Variants in MAFF observed in about 807,000 individuals in gnomAD.
MAFF encodes the protein MAF bZIP transcription factor F.
A neutral mutation model predicts 2.7 loss-of-function variants in MAFF; 4 were observed. The ratio of observed to expected loss-of-function variants is 1.48; its 90% CI spans 0.73 to 3.39. The LOEUF (loss-of-function observed/expected upper bound fraction) is 3.39, where lower values mean the gene tolerates loss of function less well. Among genes scored for constraint, MAFF ranks in the 30% most tolerant of loss-of-function variants. The pLI, the probability that MAFF is intolerant of heterozygous loss-of-function variation, is 0.01. For missense variants in MAFF, 190 were observed against 246.6 expected (o/e 0.77, Z 1.54); for synonymous variants, 113 against 119.4 (o/e 0.95, Z 0.35).
chr22:38,206,102 G>A (rs1029128894), intron 1 of MAFF, among the ~76,000 whole-genome samples: 3 of 152,146 alleles, frequency 2.0e-5, no homozygotes, highest in African/African-American at 4.8e-5. Context: ...GCCAGCTTCC[G>A]CTATTATCAA....
intron 1 of MAFF, among the ~76,000 whole-genome samples, chr22:38,204,948 A>G (rs73154441): frequency 0.039 from 5,954 of 151,752 alleles, 177 homozygotes; most frequent in East Asian, 0.16. Context: ...GGGATTGGAG[A>G]CGGAGGGCAA....
intron 1 of MAFF, chr22:38,203,618 C>G (rs751940332): frequency 7.2e-5 from 11 of 152,220 alleles, no homozygotes; most frequent in African/African-American, 2.7e-4. Flanking sequence ...ATTCCTTGGT[C>G]TTAATCCACC....
intron 1 of MAFF, among the ~76,000 whole-genome samples, chr22:38,210,208 C>G (rs1448558326): frequency 2.6e-5 from 4 of 152,344 alleles, no homozygotes; most frequent in South Asian, 2.1e-4. Flanking sequence ...CCAGCGAAAC[C>G]TGGGTGACCC....
At chr22:38,203,464 A>C (rs891162202) in intron 1 of MAFF, 3 of 152,206 alleles carry the variant, frequency 2.0e-5, no homozygotes, top group African/African-American at 7.2e-5. Flanking sequence ...GTCAGTAGGC[A>C]TTGGGGATAG....
At chr22:38,210,496 C>A (rs988868980) in intron 1 of MAFF, among the ~76,000 whole-genome samples, 1 of 152,106 alleles carries the variant, frequency 6.6e-6, no homozygotes, top group African/African-American at 2.4e-5. Flanking sequence ...GGTATAAGTT[C>A]TGCCCTCATG....
Position 38,215,150 on chromosome 22 carries a change from G to A in MAFF, c.*272G>A. The A allele has an allele frequency of 2.4e-6, 1 of 417,404 alleles. No homozygotes were observed. Among genetic ancestry groups the A allele is most frequent in the South Asian group, 3.7e-5 (1 of 27,092 alleles). 25.9% of individuals were successfully genotyped at this position (417,404 alleles called of 1,614,324 possible). A position where few individuals can be genotyped will look rare whatever the true frequency, so the allele number is the denominator to read the frequency against. ...TGAAAGTTTAGCCTTTTTAGATTGAGAGATACAGAGCCGGCTTAGAGAACA... is the reference window on the plus strand; with the variant it reads ...TGAAAGTTTAGCCTTTTTAGATTGAAAGATACAGAGCCGGCTTAGAGAACA... On this transcript the variant is annotated 3_prime_UTR_variant, in exon 3 of 3. Coordinates refer to ENST00000338483, the MANE Select transcript of MAFF (RefSeq NM_012323.4).
At chr22:38,212,989 C>T (rs1320795278) in intron 1 of MAFF, among the ~76,000 whole-genome samples, 1 of 151,882 alleles carries the variant, frequency 6.6e-6, no homozygotes, top group Admixed American at 6.6e-5. Flanking sequence ...TGGCGAAACC[C>T]TGTCTCTAAA....
chr22:38,208,244 G>A (rs11913082), intron 1 of MAFF, among the ~76,000 whole-genome samples: 4,166 of 152,306 alleles, frequency 0.027, 148 homozygotes, highest in East Asian at 0.16. Context: ...TGCGAGGCAG[G>A]TATTGTTCCG....
At chr22:38,204,757 T>C (rs1426579649) in intron 1 of MAFF, among the ~76,000 whole-genome samples, 1 of 152,202 alleles carries the variant, frequency 6.6e-6, no homozygotes. Context: ...TTCATTCATC[T>C]GTTAGCATAC....
chr22:38,206,793 G>C (rs536984157), intron 1 of MAFF, among the ~76,000 whole-genome samples: 29 of 152,234 alleles, frequency 1.9e-4, no homozygotes, highest in African/African-American at 6.5e-4. Flanking sequence ...ACACCCAAAG[G>C]GCAGTTGATT....
chr22:38,209,813 C>CAAAAAAA (rs398037113), intron 1 of MAFF, among the ~76,000 whole-genome samples: 6 of 76,430 alleles, frequency 7.9e-5, no homozygotes, highest in Non-Finnish European at 9.5e-5. Context: ...GACTCCATCT[C>CAAAAAAA]AAAAAAAAAA....
At position 38,214,478 on chromosome 22, in the gene MAFF, T is replaced by C; in HGVS notation, c.95T>C (p.Leu32Pro). The change falls in exon 3 of 3, where the codon CTG (leucine) becomes CCG (proline). Residue 32 changes from leucine (L) to proline (P), a missense_variant. Physicochemically the swap from Leu to Pro is moderately conservative, Grantham distance 98 (BLOSUM62 -3). Coordinates refer to ENST00000338483, the MANE Select transcript of MAFF (RefSeq NM_012323.4). This position sits in a 1 kb window ranked among gnomAD's most constrained non-coding sequence, Gnocchi z 6.3. ...CTGTCGGACGAGGCGCTGATGGGGC[T>C]GTCGGTGCGCGAGCTGAACCGGCAT... ...PHLSDEALMG[L>P]SVRELNRHLR... 1 of 1,610,002 alleles carries C rather than the reference T, an allele frequency of 6.2e-7. No homozygotes were observed. The highest frequency in any genetic ancestry group is 8.5e-7 in the Non-Finnish European group (1 of 1,179,248).
chr22:38,210,623 A>AGTGTGTGTGTGT (rs71195095), intron 1 of MAFF, among the ~76,000 whole-genome samples: 14,488 of 132,842 alleles, frequency 0.11, 1,096 homozygotes, highest in Admixed American at 0.17. Flanking sequence ...GGACACAGGG[A>AGTGTGTGTGTGT]GTGTGTGTGT....
intron 1 of MAFF, among the ~76,000 whole-genome samples, chr22:38,210,538 G>C (rs1248788100): frequency 1.3e-5 from 2 of 151,944 alleles, no homozygotes; most frequent in Non-Finnish European, 2.9e-5. Context: ...GGTTGGGAGG[G>C]ACAGACACTG....
intron 1 of MAFF, among the ~76,000 whole-genome samples, chr22:38,210,884 ACT>A (rs1435925654): frequency 6.6e-6 from 1 of 151,600 alleles, no homozygotes; most frequent in African/African-American, 2.4e-5. Context: ...ACATGATGAA[ACT>A]CTGTCTGTAC....
chr22:38,206,783 A>G (rs910784728), intron 1 of MAFF, among the ~76,000 whole-genome samples: 7 of 152,182 alleles, frequency 4.6e-5, no homozygotes, highest in Non-Finnish European at 1.0e-4. Context: ...ATCAGCCGCA[A>G]CACCCAAAGG....
chr22:38,210,261 A>G (rs576887076), intron 1 of MAFF, among the ~76,000 whole-genome samples: 2 of 152,296 alleles, frequency 1.3e-5, no homozygotes, highest in East Asian at 3.9e-4. Context: ...TGCCCCTGTC[A>G]GGGGATCTCT....
rs147000340 is a variant in MAFF at position 38,208,785 on chromosome 22, G to A, written c.-31-5038G>A. Among the ~76,000 whole-genome samples the A allele has an allele frequency of 4.4e-3, 666 of 152,290 alleles. 4 individuals carry two copies. The highest frequency in any genetic ancestry group is 0.015 in the African/African-American group (637 of 41,558). On this transcript the variant is annotated intron_variant, in intron 1 of 2. Transcript: ENST00000338483. The stretch of plus-strand genomic sequence containing the variant: ...GGGCTTCCTGGAGGAGGAGATGTCT[G>A]CACCCAGGGCCGAAGGATGAGTAGG...
chr22:38,215,129 A>C lies in MAFF; in HGVS notation c.*251A>C. ...GGATCTGGGATCGCCCTTGGCTGAA[A>C]GTTTAGCCTTTTTAGATTGAGAGAT... On this transcript the variant is annotated 3_prime_UTR_variant, in exon 3 of 3. Transcript: ENST00000338483. The C allele has an allele frequency of 2.2e-6, 1 of 447,788 alleles. No homozygotes were observed. 27.7% of individuals were successfully genotyped at this position (447,788 alleles called of 1,614,324 possible).
Sources: gnomAD v4.1 joint callset for allele counts (sites outside exome capture counted in the v4.1 genomes callset) on GRCh38, gnomAD v4.1.1 for gene constraint, Gnocchi (gnomAD v3.1) non-coding constraint, MANE v1.5 for transcripts, NCBI Gene and HGNC (gene_info 2026-07-23, HGNC 2026-07-21) for gene names.